The following COL19A1 variants were observed in gnomAD, a reference collection of about 807,000 sequenced individuals.
COL19A1 encodes the protein collagen alpha-1(XIX) chain.
COL19A1 carries 159 observed loss-of-function variants against 190.2 expected under a neutral mutation model. The ratio of observed to expected loss-of-function variants is 0.84; its 90% CI spans 0.73 to 0.95. The LOEUF (loss-of-function observed/expected upper bound fraction) is 0.95, where lower values mean the gene tolerates loss of function less well. Among genes scored for constraint, COL19A1 ranks in the 40% least tolerant of loss-of-function variants. The probability of loss-of-function intolerance (pLI) is 0.00; values close to 1 mark genes in which losing one functional copy is unlikely to be tolerated. For missense variants in COL19A1, 1,418 were observed against 1,431.9 expected, an observed-to-expected ratio of 0.99 and a Z score of 0.16; for synonymous variants, 509 against 458.9, an observed-to-expected ratio of 1.11 and a Z score of -1.39.
chr6:69,895,807 AT>A (rs1258241854), intron 2 of COL19A1, among the ~76,000 whole-genome samples: 6 of 152,136 alleles, frequency 3.9e-5, no homozygotes, highest in African/African-American at 1.4e-4. Context: ...TCAATAGTTC[AT>A]TCTTTTTTAT....
At chr6:70,135,138 A>C (rs1040030319) in intron 18 of COL19A1, among the ~76,000 whole-genome samples, 4 of 152,196 alleles carry the variant, frequency 2.6e-5, no homozygotes, top group Non-Finnish European at 5.9e-5. Flanking sequence ...GAACTGCATA[A>C]GGCAAGGTAT....
chr6:69,880,947 T>C (rs1485796121), intron 2 of COL19A1, among the ~76,000 whole-genome samples: 1 of 152,194 alleles, frequency 6.6e-6, no homozygotes, highest in Non-Finnish European at 1.5e-5. Context: ...CTTTTTTAGT[T>C]AGAAGGAAGA....
intron 46 of COL19A1, 140 bp downstream of exon 46, chr6:70,185,055 T>C (rs1766421880): frequency 1.4e-6 from 1 of 725,862 alleles, no homozygotes; most frequent in African/African-American, 1.8e-5. Context: ...CAAAGATCTC[T>C]ACCAGACATT....
intron 11 of COL19A1, among the ~76,000 whole-genome samples, chr6:70,002,188 A>G (rs1387952012): frequency 1.3e-5 from 2 of 152,092 alleles, no homozygotes; most frequent in African/African-American, 2.4e-5. Context: ...CACATGTTGA[A>G]CCAGCCTTGC....
chr6:70,179,663 C>T (rs771300167), intron 42 of COL19A1, among the ~76,000 whole-genome samples: 19 of 152,278 alleles, frequency 1.2e-4, no homozygotes, highest in Middle Eastern at 3.4e-3. Context: ...TTTCTCCACT[C>T]CCAAAGTAAA....
chr6:69,889,562 T>C (rs980348511), intron 2 of COL19A1, among the ~76,000 whole-genome samples: 1 of 152,174 alleles, frequency 6.6e-6, no homozygotes, highest in Non-Finnish European at 1.5e-5. Flanking sequence ...TATGTCTAGC[T>C]AAAGGATTGT....
chr6:70,198,284 T>C (rs921197814), intron 48 of COL19A1, among the ~76,000 whole-genome samples: 1 of 152,214 alleles, frequency 6.6e-6, no homozygotes, highest in Non-Finnish European at 1.5e-5. Context: ...AAAAAACTTT[T>C]CTGGAAGATT....
chr6:69,903,884 G>A (rs953333209), intron 4 of COL19A1, among the ~76,000 whole-genome samples: 12 of 152,104 alleles, frequency 7.9e-5, no homozygotes, highest in African/African-American at 2.9e-4. Context: ...GAGCATTGCC[G>A]CTTCTAAATC....
At chr6:69,900,692 A>C (rs1047133581) in intron 4 of COL19A1, among the ~76,000 whole-genome samples, 3 of 152,166 alleles carry the variant, frequency 2.0e-5, no homozygotes, top group Admixed American at 6.5e-5. Context: ...CAGAGCCAAA[A>C]GACTGATATT....
intron 25 of COL19A1, among the ~76,000 whole-genome samples, chr6:70,146,238 C>T (rs968166265): frequency 6.6e-6 from 1 of 152,100 alleles, no homozygotes; most frequent in Non-Finnish European, 1.5e-5. Flanking sequence ...CCTGAAATTT[C>T]TCTTCCAGAG....
At chr6:69,907,495 A>G (rs534913160) in intron 4 of COL19A1, among the ~76,000 whole-genome samples, 2 of 152,110 alleles carry the variant, frequency 1.3e-5, no homozygotes, top group Non-Finnish European at 2.9e-5. Context: ...ATTTAGGATT[A>G]TTTTCATACA....
chr6:70,074,980 A>G (rs117470885), intron 15 of COL19A1, among the ~76,000 whole-genome samples: 5 of 151,760 alleles, frequency 3.3e-5, no homozygotes, highest in East Asian at 1.9e-4. Context: ...GGATTCATCT[A>G]TAAATATAAA....
intron 14 of COL19A1, among the ~76,000 whole-genome samples, chr6:70,040,286 A>C (rs955069938): frequency 6.6e-6 from 1 of 152,210 alleles, no homozygotes; most frequent in South Asian, 2.1e-4. Flanking sequence ...AGAATAAAGA[A>C]GTGAGGGTGA....
chr6:69,906,571 G>A (rs547364723), intron 4 of COL19A1, among the ~76,000 whole-genome samples: 5 of 152,262 alleles, frequency 3.3e-5, no homozygotes, highest in African/African-American at 9.6e-5. Flanking sequence ...AGAATGAGGG[G>A]AAATGAGGCT....
At chr6:70,139,826 G>C (rs940184887) in intron 19 of COL19A1, among the ~76,000 whole-genome samples, 6 of 152,008 alleles carry the variant, frequency 3.9e-5, no homozygotes, top group African/African-American at 1.4e-4. Context: ...ATAAAGAAAG[G>C]GGAGCTCTAA....
At chr6:70,159,137 C>T (rs1009729060) in intron 34 of COL19A1, among the ~76,000 whole-genome samples, 1 of 134,968 alleles carries the variant, frequency 7.4e-6, no homozygotes, top group African/African-American at 3.0e-5. Context: ...AGTGTTGAGA[C>T]TAAAAGTAGC....
chr6:70,165,405 TG>T (rs1343610793), intron 36 of COL19A1, among the ~76,000 whole-genome samples: 1 of 152,178 alleles, frequency 6.6e-6, no homozygotes, highest in Non-Finnish European at 1.5e-5. Flanking sequence ...GTGTCTGACT[TG>T]GGTGTAAAGT....
chr6:70,067,880 T>C (rs1781338414), intron 14 of COL19A1, among the ~76,000 whole-genome samples: 1 of 151,484 alleles, frequency 6.6e-6, no homozygotes, highest in Non-Finnish European at 1.5e-5. Context: ...TGTTATGATC[T>C]GAAAAAAAAA....
intron 4 of COL19A1, among the ~76,000 whole-genome samples, chr6:69,909,103 A>G (rs1770739173): frequency 6.6e-6 from 1 of 152,168 alleles, no homozygotes; most frequent in African/African-American, 2.4e-5. Flanking sequence ...AAATTACCCA[A>G]AAAAGCCTCA....
Sources: allele counts gnomAD v4.1 joint callset (sites outside exome capture counted in the v4.1 genomes callset), GRCh38; gene constraint gnomAD v4.1.1; transcripts MANE v1.5; gene names NCBI Gene and HGNC (gene_info 2026-07-23, HGNC 2026-07-21).